The following LRRC43 variants were observed in gnomAD, a reference collection of about 807,000 sequenced individuals.
LRRC43 encodes leucine rich repeat containing 43.
A neutral mutation model predicts 64.3 loss-of-function variants in LRRC43; 62 were observed. The ratio of observed to expected loss-of-function variants is 0.96; its 90% CI spans 0.79 to 1.19. The LOEUF is 1.19. LRRC43 is among the 50% of genes most tolerant of loss of function. The pLI, the probability that LRRC43 is intolerant of heterozygous loss-of-function variation, is 0.00. For synonymous variants in LRRC43, 422 were observed against 382.3 expected, an observed-to-expected ratio of 1.10 and a Z score of -1.21; for missense variants, 868 against 845.0, an observed-to-expected ratio of 1.03 and a Z score of -0.34.
intron 4 of LRRC43, among the ~76,000 whole-genome samples, chr12:122,189,855 G>A (rs1460093936): frequency 6.6e-6 from 1 of 152,250 alleles, no homozygotes; most frequent in Non-Finnish European, 1.5e-5. Flanking sequence ...CTACTGAGAG[G>A]TTTGGCCAAG....
chr12:122,199,624 C>G (rs536414566), intron 7 of LRRC43, among the ~76,000 whole-genome samples: 1 of 151,602 alleles, frequency 6.6e-6, no homozygotes, highest in South Asian at 2.1e-4. Flanking sequence ...CACTTTGTCG[C>G]CCGGGATCGA....
At chr12:122,199,954 C>A (rs1249992747) in intron 7 of LRRC43, among the ~76,000 whole-genome samples, 2 of 152,182 alleles carry the variant, frequency 1.3e-5, no homozygotes, top group Non-Finnish European at 2.9e-5. Flanking sequence ...CAGGGTGGTC[C>A]TGCCTCTGAA....
chr12:122,169,730 A>AG (rs1266199026), intron 1 of LRRC43, among the ~76,000 whole-genome samples: 1 of 151,690 alleles, frequency 6.6e-6, no homozygotes, highest in Non-Finnish European at 1.5e-5. Context: ...AAAAAAAAAA[A>AG]AAAAAAAAAG....
chr12:122,191,457 C>G lies in LRRC43; in HGVS notation c.979C>G (p.Pro327Ala). ...RGVLDTSVLD[P>A]EPRPEGPFIT... The stretch of plus-strand genomic sequence containing the variant: ...AGTCCTGGACACCTCTGTCTTAGAC[C>G]CGGAACCCAGGCCCGAAGGCCCTTT... Residue 327 changes from proline (P) to alanine (A), a missense_variant, in exon 6 of 12, where the codon CCG (proline) becomes GCG (alanine). By Grantham distance (27) the Pro-to-Ala change is conservative. Coordinates refer to ENST00000339777, the MANE Select transcript of LRRC43 (RefSeq NM_001098519.2). The G allele has an allele frequency of 6.2e-7, 1 of 1,614,070 alleles. No homozygotes were observed. Among genetic ancestry groups the G allele is most frequent in the Non-Finnish European group, 8.5e-7 (1 of 1,180,004 alleles).
Position 122,184,569 on chromosome 12 carries a change from C to A in LRRC43, c.201C>A (p.Val67=). 1 of 1,613,858 alleles carries A rather than the reference C, an allele frequency of 6.2e-7. No homozygotes were observed. The highest frequency in any genetic ancestry group is 8.5e-7 in the Non-Finnish European group (1 of 1,179,860). ...PQTWRTWREL[V]PREEDVVSPG... ...CTTGGCGAACTTGGAGGGAGCTTGTCCCCAGAGAGGAGGATGTGGTGAGCC... is the reference window on the plus strand; with the variant it reads ...CTTGGCGAACTTGGAGGGAGCTTGTACCCAGAGAGGAGGATGTGGTGAGCC... Residue 67 remains valine, a synonymous_variant, in exon 2 of 12, where the codon GTC becomes GTA. Coordinates refer to ENST00000339777, the MANE Select transcript of LRRC43 (RefSeq NM_001098519.2). The surrounding 1 kb of genome is among the most constrained non-coding windows in gnomAD (Gnocchi z 4.0).
intron 7 of LRRC43, among the ~76,000 whole-genome samples, chr12:122,197,521 G>A (rs1211919210): frequency 5.9e-5 from 9 of 152,008 alleles, no homozygotes; most frequent in Non-Finnish European, 1.3e-4. Context: ...GACTTTCTAG[G>A]TGCCTGAGTC....
rs199669730 is a variant in LRRC43, at chr12:122,173,801, T to A, written c.-406+6019T>A. The stretch of plus-strand genomic sequence containing the variant: ...CCTCTTTGGAGGGCAATGGAAGGCA[T>A]TTTTAAGAAATCGTTTAGAAAAGAA... On this transcript the variant is annotated intron_variant, in intron 1 of 5. Transcript: ENST00000537729. The A allele has an allele frequency of 2.5e-6, 4 of 1,583,146 alleles. No homozygotes were observed. In the African/African-American group the frequency reaches 5.4e-5, roughly 21 times the overall value.
intron 1 of LRRC43, among the ~76,000 whole-genome samples, chr12:122,177,896 G>A (rs1473514855): frequency 6.6e-6 from 1 of 151,476 alleles, no homozygotes; most frequent in Non-Finnish European, 1.5e-5. Context: ...GGAGTGCAGT[G>A]GCATGATCTT....
At chr12:122,178,582 C>CTTTTTTT, upstream of LRRC43, among the ~76,000 whole-genome samples, 1 of 60,732 alleles carries the variant, frequency 1.6e-5, no homozygotes, top group Non-Finnish European at 2.8e-5. Flanking sequence ...AGGTGGCTTT[C>CTTTTTTT]TTTTTTTTTT....
At chr12:122,191,735 A>C (rs1029125043) in intron 6 of LRRC43, among the ~76,000 whole-genome samples, 168 bp downstream of exon 6, 8 of 151,398 alleles carry the variant, frequency 5.3e-5, no homozygotes, top group African/African-American at 1.9e-4. Context: ...GCTCACTGTA[A>C]CCTCTGCCTC....
intron 11 of LRRC43, among the ~76,000 whole-genome samples, chr12:122,202,663 G>T (rs557356964): frequency 5.8e-4 from 89 of 152,222 alleles, no homozygotes; most frequent in African/African-American, 2.0e-3. Context: ...CATTAGAAAG[G>T]TCTTTGCGTA....
intron 7 of LRRC43, among the ~76,000 whole-genome samples, chr12:122,194,546 A>G (rs1203378745): frequency 6.6e-6 from 1 of 150,710 alleles, no homozygotes; most frequent in East Asian, 2.0e-4. Flanking sequence ...ACCCTGGGCA[A>G]TAAGAAAGAA....
intron 7 of LRRC43, among the ~76,000 whole-genome samples, chr12:122,194,213 G>GT (rs576665694): frequency 0.05 from 7,234 of 145,336 alleles, 523 homozygotes; most frequent in African/African-American, 0.16. Context: ...ATATAAAGTT[G>GT]TTTTTTTTTT....
At chr12:122,176,658 A>AT (rs369675090) in intron 1 of LRRC43, among the ~76,000 whole-genome samples, 1,824 of 144,650 alleles carry the variant, frequency 0.013, 15 homozygotes, top group Middle Eastern at 0.054. Flanking sequence ...TAGTAGTAGC[A>AT]TTTTTTTTTT....
At chr12:122,193,280 C>A (rs1953740886) in intron 7 of LRRC43, among the ~76,000 whole-genome samples, 1 of 147,096 alleles carries the variant, frequency 6.8e-6, no homozygotes, top group African/African-American at 2.5e-5. Flanking sequence ...ACTCGGGAGG[C>A]TGAGGCAGGA....
intron 7 of LRRC43, among the ~76,000 whole-genome samples, chr12:122,195,776 C>T (rs928318676): frequency 4.6e-5 from 7 of 152,206 alleles, no homozygotes; most frequent in African/African-American, 1.7e-4. Flanking sequence ...TATAGATGAA[C>T]GTTTTAAATC....
intron 1 of LRRC43, among the ~76,000 whole-genome samples, chr12:122,177,289 G>T (rs1276962277): frequency 2.0e-5 from 3 of 152,104 alleles, no homozygotes; most frequent in Non-Finnish European, 2.9e-5. Context: ...TGAAGATGGT[G>T]GGGGGCAGCG....
intron 7 of LRRC43, among the ~76,000 whole-genome samples, chr12:122,194,247 A>G (rs1370072612): frequency 1.3e-5 from 2 of 151,720 alleles, no homozygotes; most frequent in African/African-American, 2.4e-5. Flanking sequence ...CTTCTTAGTT[A>G]CCATTTCTGG....
chr12:122,183,409 C>T (rs922707636), intron 1 of LRRC43, 115 bp downstream of exon 1: 5 of 1,184,710 alleles, frequency 4.2e-6, no homozygotes, highest in African/African-American at 3.2e-5. Context: ...TTCTGGGGGC[C>T]GCCGACATGG....
Sources: allele counts gnomAD v4.1 joint callset (sites outside exome capture counted in the v4.1 genomes callset), GRCh38; gene constraint gnomAD v4.1.1; non-coding constraint Gnocchi (gnomAD v3.1); transcripts MANE v1.5; gene names NCBI Gene and HGNC (gene_info 2026-07-23, HGNC 2026-07-21).